The following MYH14 variants were observed in gnomAD, a reference collection of about 807,000 sequenced individuals.
The protein encoded by MYH14 is myosin heavy chain 14.
In MYH14, 123 loss-of-function variants were observed where a neutral mutation model predicts 255.5. That is an observed-to-expected ratio of 0.48 (90% CI 0.42 to 0.56). The LOEUF is 0.56. MYH14 is among the 20% of genes least tolerant of loss of function. MYH14 has a pLI of 0.00. For missense variants in MYH14, 2,423 were observed against 2,802.3 expected, an observed-to-expected ratio of 0.86 and a Z score of 3.06; for synonymous variants, 1,095 against 1,161.2, an observed-to-expected ratio of 0.94 and a Z score of 1.16.
chr19:50,264,019 T>C (rs1203545422), intron 22 of MYH14, among the ~76,000 whole-genome samples: 4 of 119,926 alleles, frequency 3.3e-5, no homozygotes, highest in Non-Finnish European at 6.3e-5. Context: ...ATAGTGTCAC[T>C]ACATGTAGCC....
intron 1 of MYH14, among the ~76,000 whole-genome samples, chr19:50,207,686 G>A (rs1233586192): frequency 6.6e-6 from 1 of 152,240 alleles, no homozygotes; most frequent in East Asian, 1.9e-4. Flanking sequence ...CACTGAAGCA[G>A]TGAGATTCGA....
chr19:50,224,787 A>C (rs1193051160), intron 6 of MYH14: 2 of 456,358 alleles, frequency 4.4e-6, no homozygotes, highest in South Asian at 1.5e-5. Flanking sequence ...CACTTTACAT[A>C]GGTGGTACAG....
Position 50,310,075 on chromosome 19 carries a change from T to C in MYH14, c.*285T>C. The C allele has an allele frequency of 1.9e-6, 1 of 536,192 alleles. No homozygotes were observed. Among genetic ancestry groups the C allele is most frequent in the Non-Finnish European group, 3.3e-6 (1 of 302,080 alleles). The allele number at this position is 536,192 out of a possible 1,614,324, so 33.2% of individuals were successfully genotyped here. ...AAGCTGTGTTTCCATCAGCTCCCTG[T>C]CCTCCTTTCTTCCCTCGTTATTGAT... is the stretch of plus-strand genomic sequence containing the variant. On this transcript the variant is annotated 3_prime_UTR_variant, in exon 43 of 43. Coordinates refer to ENST00000642316, the MANE Select transcript of MYH14 (RefSeq NM_001145809.2).
chr19:50,276,881 CAGCTGGA>C lies in MYH14; in HGVS notation c.3806_3812del (p.Gln1269ArgfsTer28). On this transcript the variant is annotated frameshift_variant, in exon 29 of 43. Coordinates refer to ENST00000642316, the MANE Select transcript of MYH14 (RefSeq NM_001145809.2). The surrounding 1 kb of genome is among the most constrained non-coding windows in gnomAD (Gnocchi z 4.3). ...CCAGGCCCTGGGGGAGCTGGCGGAG[CAGCTGGA>C]GCAGGCCCGGAGGGTGGGTTGGGGC... 1 of 1,607,858 alleles carries C rather than the reference CAGCTGGA, an allele frequency of 6.2e-7. No homozygotes were observed. The highest frequency in any genetic ancestry group is 8.5e-7 in the Non-Finnish European group (1 of 1,178,538).
intron 10 of MYH14, among the ~76,000 whole-genome samples, chr19:50,236,225 TG>T (rs1384411496): frequency 6.6e-6 from 1 of 150,796 alleles, no homozygotes; most frequent in Admixed American, 6.6e-5. Context: ...CCCAGCTATT[TG>T]GGGGGCTGAG....
chr19:50,214,406 G>A (rs1479538070), intron 2 of MYH14, among the ~76,000 whole-genome samples: 2 of 152,152 alleles, frequency 1.3e-5, no homozygotes, highest in Non-Finnish European at 2.9e-5. Flanking sequence ...CAGAAACCCA[G>A]TTTCTGCCAC....
At chr19:50,261,707 C>T in intron 21 of MYH14, 72 bp downstream of exon 21, 1 of 1,425,378 alleles carries the variant, frequency 7.0e-7, no homozygotes, top group Non-Finnish European at 9.3e-7. Context: ...CCAGATGGCT[C>T]TAGGTGTCAG....
At chr19:50,222,519 A>G in intron 3 of MYH14, among the ~76,000 whole-genome samples, 1 of 148,726 alleles carries the variant, frequency 6.7e-6, no homozygotes. Flanking sequence ...GCTTTATTCT[A>G]GTACTGATTC....
chr19:50,293,439 C>G lies in MYH14; in HGVS notation c.5345+118C>G, dbSNP rs901653650. The stretch of plus-strand genomic sequence containing the variant: ...ACTGGGAGGTGGGCGGGGTTAACCT[C>G]GGGGCCCCTGGGGTGTGAGGCTGGG... On this transcript the variant is annotated intron_variant, in intron 38 of 42. Transcript: ENST00000642316. This position sits in a 1 kb window ranked among gnomAD's most constrained non-coding sequence, Gnocchi z 4.1. 2.6e-6 allele frequency: 4 copies of G among 1,534,248 alleles called. No homozygotes were observed. The highest frequency in any genetic ancestry group is 4.0e-4 in the Middle Eastern group (2 of 5,050).
intron 33 of MYH14, among the ~76,000 whole-genome samples, chr19:50,283,503 A>G (rs1055350690): frequency 2.0e-5 from 3 of 152,224 alleles, no homozygotes; most frequent in Non-Finnish European, 2.9e-5. Flanking sequence ...TTTGCTGCTG[A>G]ATATTATTCC....
rs199541277 is a variant in MYH14 at position 50,249,823 on chromosome 19, G to A, written c.1656G>A (p.Pro552=). The change falls in exon 14 of 43, where the codon CCG becomes CCA. Residue 552 remains proline, a splice_region_variant and synonymous_variant. Transcript: ENST00000642316. ...LQPCIDLIER[P]ANPPGLLALL... Reference sequence around the variant, plus strand: ...CCTGCATCGACCTCATCGAGCGGCCGGTGAGCCCCAGGCCCCTCCCAGCCC... The same window carrying A: ...CCTGCATCGACCTCATCGAGCGGCCAGTGAGCCCCAGGCCCCTCCCAGCCC... The A allele has an allele frequency of 1.9e-5, 30 of 1,613,910 alleles. No individual in the cohort carries two copies. The highest frequency in any genetic ancestry group is 5.0e-5 in the Admixed American group (3 of 59,964).
chr19:50,209,624 A>G (rs1468018776), intron 1 of MYH14, among the ~76,000 whole-genome samples: 1 of 151,690 alleles, frequency 6.6e-6, no homozygotes, highest in Non-Finnish European at 1.5e-5. Context: ...CTCTACTAAA[A>G]ATAGAAAACA....
At chr19:50,208,187 G>A (rs1018775618) in intron 1 of MYH14, among the ~76,000 whole-genome samples, 6 of 152,204 alleles carry the variant, frequency 3.9e-5, no homozygotes, top group Non-Finnish European at 7.3e-5. Context: ...GGCCCAGGCG[G>A]GCGGATCACC....
intron 34 of MYH14, among the ~76,000 whole-genome samples, chr19:50,288,927 A>T (rs1312604340): frequency 6.6e-6 from 1 of 152,042 alleles, no homozygotes; most frequent in Non-Finnish European, 1.5e-5. Flanking sequence ...TTGGGGGTTT[A>T]ATTCATACCT....
rs535022949 is a variant in MYH14, at chr19:50,250,089, GTTTGTTTTGT to G, written c.1656+280_1656+289del. 1.3e-5 allele frequency among the ~76,000 whole-genome samples: 2 copies of G among 152,086 alleles called. No individual in the cohort carries two copies. The highest frequency in any genetic ancestry group is 6.6e-5 in the Admixed American group (1 of 15,266). On this transcript the variant is annotated intron_variant, in intron 14 of 42. Coordinates refer to ENST00000642316, the MANE Select transcript of MYH14 (RefSeq NM_001145809.2). This position sits in a 1 kb window ranked among gnomAD's most constrained non-coding sequence, Gnocchi z 5.4. Reference sequence around the variant, plus strand: ...TTGTTCTCACGTTTGTTTTTTGTTTGTTTGTTTTGTTTTGTTTTGTTTTTTTCTTGAGACG... The same window carrying G: ...TTGTTCTCACGTTTGTTTTTTGTTTGTTTGTTTTGTTTTTTTCTTGAGACG...
At chr19:50,254,527 C>T (rs1213791373) in intron 16 of MYH14, among the ~76,000 whole-genome samples, 1 of 152,210 alleles carries the variant, frequency 6.6e-6, no homozygotes, top group African/African-American at 2.4e-5. Context: ...ATTTGTCACA[C>T]TCTGTGTGTG....
chr19:50,287,330 G>A (rs2035925124), intron 34 of MYH14, among the ~76,000 whole-genome samples: 1 of 152,260 alleles, frequency 6.6e-6, no homozygotes, highest in South Asian at 2.1e-4. Flanking sequence ...CAGAATACAA[G>A]AGCTGCTCAC....
At chr19:50,223,916 TG>T (rs2032968203) in intron 5 of MYH14, among the ~76,000 whole-genome samples, 1 of 152,152 alleles carries the variant, frequency 6.6e-6, no homozygotes, top group African/African-American at 2.4e-5. Context: ...AAGACCAGCC[TG>T]GGTAATATAG....
At position 50,250,056 on chromosome 19, in the gene MYH14, C is replaced by T. The variant is rs1171467974; in HGVS notation, c.1656+233C>T. 1.3e-5 allele frequency among the ~76,000 whole-genome samples: 2 copies of T among 152,218 alleles called. No individual in the cohort carries two copies. The highest frequency in any genetic ancestry group is 4.8e-5 in the African/African-American group (2 of 41,452). ...TCAATCGGTTAATCAGAGCTCTCAC[C>T]GTAACTGTTGTTCTCACGTTTGTTT... is the stretch of plus-strand genomic sequence containing the variant. On this transcript the variant is annotated intron_variant, in intron 14 of 42. Transcript: ENST00000642316. This position sits in a 1 kb window ranked among gnomAD's most constrained non-coding sequence, Gnocchi z 5.4.
Sources: gnomAD v4.1 joint callset for allele counts (sites outside exome capture counted in the v4.1 genomes callset) on GRCh38, gnomAD v4.1.1 for gene constraint, Gnocchi (gnomAD v3.1) non-coding constraint, MANE v1.5 for transcripts, NCBI Gene and HGNC (gene_info 2026-07-23, HGNC 2026-07-21) for gene names.